The following PXDNL variants were observed in gnomAD, a reference collection of about 807,000 sequenced individuals.
PXDNL encodes the protein peroxidasin like, also known as probable oxidoreductase PXDNL.
PXDNL carries 145 observed loss-of-function variants against 150.8 expected under a neutral mutation model. The ratio of observed to expected loss-of-function variants is 0.96; its 90% CI spans 0.84 to 1.10. The LOEUF (loss-of-function observed/expected upper bound fraction) is 1.10, where lower values mean the gene tolerates loss of function less well. PXDNL is among the 50% of genes least tolerant of loss of function. The pLI is 0.00. For missense variants in PXDNL, 2,087 were observed against 1,873.9 expected (o/e 1.11, Z -2.10); for synonymous variants, 757 against 725.7 (o/e 1.04, Z -0.69).
At chr8:51,411,919 T>C (rs1808663037) in intron 15 of PXDNL, among the ~76,000 whole-genome samples, 1 of 152,198 alleles carries the variant, frequency 6.6e-6, no homozygotes, top group South Asian at 2.1e-4. Context: ...CTAGTACTCC[T>C]GTATCCTTAA....
At chr8:51,486,788 ATATATATTTTTTTTTTTTTTTTT>A (rs1335850834) in intron 5 of PXDNL, among the ~76,000 whole-genome samples, 13 of 23,746 alleles carry the variant, frequency 5.5e-4, no homozygotes, top group African/African-American at 2.0e-3. Context: ...ATATATATAT[ATATATATTTTTTTTTTTTTTTTT>A]TTTTTTTTTT....
At chr8:51,345,149 A>G (rs1806107671) in intron 20 of PXDNL, among the ~76,000 whole-genome samples, 1 of 152,228 alleles carries the variant, frequency 6.6e-6, no homozygotes, top group Non-Finnish European at 1.5e-5. Flanking sequence ...GTGAATTGCA[A>G]TGTTTATTTT....
chr8:51,778,850 C>T (rs900999153), intron 1 of PXDNL, among the ~76,000 whole-genome samples: 10 of 152,188 alleles, frequency 6.6e-5, no homozygotes, highest in Admixed American at 1.3e-4. Context: ...TCAGTTCTTG[C>T]GAGTATTCTT....
intron 3 of PXDNL, among the ~76,000 whole-genome samples, chr8:51,583,294 G>C (rs1432570742): frequency 6.6e-6 from 1 of 152,072 alleles, no homozygotes; most frequent in African/African-American, 2.4e-5. Context: ...ACAGGAAGCT[G>C]ACCATCGTGG....
chr8:51,412,779 G>A (rs916991938), intron 15 of PXDNL, among the ~76,000 whole-genome samples: 3 of 152,052 alleles, frequency 2.0e-5, no homozygotes, highest in Non-Finnish European at 4.4e-5. Context: ...AATGTTTGTC[G>A]TAGGCTCCCA....
intron 14 of PXDNL, among the ~76,000 whole-genome samples, chr8:51,415,973 C>G (rs1247507645): frequency 6.6e-6 from 1 of 152,132 alleles, no homozygotes; most frequent in Non-Finnish European, 1.5e-5. Context: ...TAGGAATGAG[C>G]CTACTTAATT....
In PXDNL at chr8:51,457,595, G is replaced by C; in HGVS notation, c.885C>G (p.Thr295=). 1 of 1,613,694 alleles carries C rather than the reference G, an allele frequency of 6.2e-7. No individual in the cohort carries two copies. Among genetic ancestry groups the C allele is most frequent in the South Asian group, 1.1e-5 (1 of 91,058 alleles). Residue 295 remains threonine, a synonymous_variant, in exon 9 of 23, where the codon ACC becomes ACG. Transcript: ENST00000356297. ...FDDGTLMIRN[T]RESDQGVYQC... is the part of the protein sequence containing the mutation. ...GATAGACACCTTGGTCTGACTCTCT[G>C]GTGTTTCGGATCATGAGTGTGCCAT... is the stretch of plus-strand genomic sequence containing the variant.
chr8:51,388,769 T>TAC (rs1341397838), intron 17 of PXDNL, among the ~76,000 whole-genome samples: 1 of 152,188 alleles, frequency 6.6e-6, no homozygotes, highest in Non-Finnish European at 1.5e-5. Context: ...CATCTGTCTG[T>TAC]ACTACACACT....
intron 1 of PXDNL, among the ~76,000 whole-genome samples, chr8:51,799,421 T>G (rs377124632): frequency 4.6e-5 from 7 of 152,250 alleles, no homozygotes; most frequent in African/African-American, 1.7e-4. Flanking sequence ...AAAGATATCT[T>G]CCTGAGAAAA....
intron 1 of PXDNL, among the ~76,000 whole-genome samples, chr8:51,800,530 C>A (rs943423233): frequency 2.0e-5 from 3 of 152,132 alleles, no homozygotes; most frequent in Admixed American, 1.3e-4. Context: ...GAGAAAATGG[C>A]CAAGGATGCA....
chr8:51,656,888 A>G (rs1437856706), intron 1 of PXDNL, among the ~76,000 whole-genome samples: 1 of 152,180 alleles, frequency 6.6e-6, no homozygotes, highest in Non-Finnish European at 1.5e-5. Flanking sequence ...TCCAGATGTA[A>G]CCACTCATGT....
intron 1 of PXDNL, among the ~76,000 whole-genome samples, chr8:51,800,530 C>T (rs943423233): frequency 6.6e-6 from 1 of 152,132 alleles, no homozygotes; most frequent in Non-Finnish European, 1.5e-5. Flanking sequence ...GAGAAAATGG[C>T]CAAGGATGCA....
intron 19 of PXDNL, among the ~76,000 whole-genome samples, chr8:51,352,460 C>G (rs755389772): frequency 6.6e-6 from 1 of 152,070 alleles, no homozygotes; most frequent in Non-Finnish European, 1.5e-5. Context: ...CAGGGAGGGA[C>G]CTGGTGGGAG....
intron 1 of PXDNL, among the ~76,000 whole-genome samples, chr8:51,789,458 C>A (rs1044108702): frequency 2.0e-5 from 3 of 152,006 alleles, no homozygotes; most frequent in East Asian, 1.9e-4. Flanking sequence ...AGTGCCAGGG[C>A]AGCTCTTGGA....
In PXDNL at chr8:51,498,189, C is replaced by T. The variant is rs1350745473; in HGVS notation, c.452+1510G>A. Among the ~76,000 whole-genome samples the T allele has an allele frequency of 1.3e-4, 19 of 150,266 alleles. No individual in the cohort carries two copies. The East Asian group carries it at 3.2e-3, about 25-fold the overall frequency. On this transcript the variant is annotated intron_variant, in intron 5 of 22. Coordinates refer to ENST00000356297, the MANE Select transcript of PXDNL (RefSeq NM_144651.5). ...AGCAAACTATCGCAAGGACAGAAAA[C>T]GAAACACCGCATGTTGTCACTCATA... is the stretch of plus-strand genomic sequence containing the variant.
chr8:51,585,560 A>G (rs977806314), intron 3 of PXDNL, among the ~76,000 whole-genome samples: 1 of 152,140 alleles, frequency 6.6e-6, no homozygotes, highest in African/African-American at 2.4e-5. Flanking sequence ...CCATATGTTT[A>G]ACAACATGAG....
At chr8:51,649,331 G>A (rs1412100419) in intron 2 of PXDNL, among the ~76,000 whole-genome samples, 2 of 152,118 alleles carry the variant, frequency 1.3e-5, no homozygotes, top group Non-Finnish European at 2.9e-5. Context: ...AATAACACAC[G>A]TGTTATGAGA....
chr8:51,348,141 A>G (rs1038189202), intron 19 of PXDNL, among the ~76,000 whole-genome samples: 3 of 152,228 alleles, frequency 2.0e-5, no homozygotes, highest in Non-Finnish European at 4.4e-5. Context: ...ACAATGCAGC[A>G]TCTCCGGCTA....
chr8:51,386,013 G>T (rs1586058638), intron 17 of PXDNL, among the ~76,000 whole-genome samples: 1 of 152,074 alleles, frequency 6.6e-6, no homozygotes, highest in South Asian at 2.1e-4. Context: ...CCATGGTATT[G>T]ATATAAAAGC....
Sources: gnomAD v4.1 joint callset for allele counts (sites outside exome capture counted in the v4.1 genomes callset) on GRCh38, gnomAD v4.1.1 for gene constraint, MANE v1.5 for transcripts, NCBI Gene and HGNC (gene_info 2026-07-23, HGNC 2026-07-21) for gene names.